The following PTPRD variants were observed in gnomAD, a reference collection of about 807,000 sequenced individuals.
PTPRD encodes receptor-type tyrosine-protein phosphatase delta.
Under a neutral mutation model 214.5 loss-of-function variants are expected in PTPRD, and 34 were observed. The ratio of observed to expected loss-of-function variants is 0.16; its 90% CI spans 0.12 to 0.21. The LOEUF (loss-of-function observed/expected upper bound fraction) is 0.21. Ranked by LOEUF, PTPRD falls within the 10% of genes least tolerant of loss-of-function variation. PTPRD has a pLI of 1.00. For synonymous variants in PTPRD, 1,128 were observed against 845.7 expected (o/e 1.33, Z -5.79); for missense variants, 2,545 against 2,398.7 (o/e 1.06, Z -1.27).
chr9:10,151,886 A>G (rs557036413), intron 3 of PTPRD, among the ~76,000 whole-genome samples: 16 of 152,322 alleles, frequency 1.1e-4, no homozygotes, highest in Admixed American at 8.5e-4. Context: ...TGTTGTGTGT[A>G]TCAATAATTT....
intron 11 of PTPRD, among the ~76,000 whole-genome samples, chr9:8,961,012 T>G (rs2099155817): frequency 6.6e-6 from 1 of 152,068 alleles, no homozygotes; most frequent in South Asian, 2.1e-4. Context: ...CATTGTCTAC[T>G]AGGGAGTCAA....
intron 3 of PTPRD, among the ~76,000 whole-genome samples, chr9:10,320,134 C>T (rs2096527900): frequency 6.6e-6 from 1 of 151,992 alleles, no homozygotes. Flanking sequence ...GAATAATTTA[C>T]ATCTCTATGC....
At chr9:10,355,582 G>A (rs2097262102) in intron 2 of PTPRD, among the ~76,000 whole-genome samples, 1 of 151,154 alleles carries the variant, frequency 6.6e-6, no homozygotes, top group African/African-American at 2.4e-5. Flanking sequence ...GGGTTCAAGC[G>A]ATTCTCCTTC....
At chr9:8,711,650 C>A (rs947799300) in intron 12 of PTPRD, among the ~76,000 whole-genome samples, 4 of 152,128 alleles carry the variant, frequency 2.6e-5, no homozygotes, top group African/African-American at 9.7e-5. Context: ...AATCTATTAG[C>A]CCAGACCCCA....
At chr9:9,881,496 A>C (rs1199815800) in intron 5 of PTPRD, among the ~76,000 whole-genome samples, 4 of 152,118 alleles carry the variant, frequency 2.6e-5, no homozygotes, top group Non-Finnish European at 5.9e-5. Context: ...CCGCATCTTC[A>C]TCTTTTATAA....
chr9:10,069,058 C>G (rs983130960), intron 3 of PTPRD, among the ~76,000 whole-genome samples: 2 of 151,922 alleles, frequency 1.3e-5, no homozygotes, highest in African/African-American at 4.8e-5. Context: ...TCCTATTCAG[C>G]CTTTTGGATC....
At chr9:8,782,554 A>G (rs142078822) in intron 11 of PTPRD, among the ~76,000 whole-genome samples, 3 of 149,198 alleles carry the variant, frequency 2.0e-5, no homozygotes, top group African/African-American at 7.4e-5. Context: ...CCCTCAACCT[A>G]TTTCAGTGCT....
chr9:9,030,943 C>A (rs1434455081), intron 10 of PTPRD, among the ~76,000 whole-genome samples: 4 of 151,860 alleles, frequency 2.6e-5, no homozygotes, highest in African/African-American at 9.7e-5. Context: ...GAGGATGATT[C>A]ATCTCTCAGT....
intron 3 of PTPRD, among the ~76,000 whole-genome samples, chr9:10,304,161 AAC>A (rs1287670906): frequency 6.6e-6 from 1 of 152,194 alleles, no homozygotes; most frequent in East Asian, 1.9e-4. Flanking sequence ...AATGACAAAA[AAC>A]ACATGATTAT....
At chr9:9,301,093 T>G (rs964101280) in intron 9 of PTPRD, among the ~76,000 whole-genome samples, 2 of 151,806 alleles carry the variant, frequency 1.3e-5, no homozygotes, top group African/African-American at 4.8e-5. Context: ...TTCATATAAT[T>G]TAAGATTCTT....
At chr9:10,188,580 T>C (rs953027007) in intron 3 of PTPRD, among the ~76,000 whole-genome samples, 2 of 152,122 alleles carry the variant, frequency 1.3e-5, no homozygotes, top group South Asian at 2.1e-4. Context: ...AGTATCTTTT[T>C]TTTTTTTACA....
In PTPRD at chr9:9,284,383, T is replaced by C. The variant is rs187475944; in HGVS notation, c.-202-101020A>G. 1.3e-3 allele frequency among the ~76,000 whole-genome samples: 190 copies of C among 151,834 alleles called. 3 individuals carry two copies. Among genetic ancestry groups the C allele is most frequent in the African/African-American group, 4.2e-3 (174 of 41,520 alleles). On this transcript the variant is annotated intron_variant, in intron 9 of 45. Coordinates refer to ENST00000381196, the MANE Select transcript of PTPRD (RefSeq NM_002839.4). ...CATGAATAGACTCCTGCCATGGTTG[T>C]AAGTTTTATTCTTCCTCTTGCTCTC...
At chr9:8,764,808 GATA>G (rs58828058) in intron 11 of PTPRD, among the ~76,000 whole-genome samples, 81,006 of 146,478 alleles carry the variant, frequency 0.55, 22,647 homozygotes, top group Middle Eastern at 0.7. Context: ...TAATAATAAT[GATA>G]ATAATAATAA....
At chr9:8,336,859 A>G (rs936944927) in intron 43 of PTPRD, among the ~76,000 whole-genome samples, 2 of 152,052 alleles carry the variant, frequency 1.3e-5, no homozygotes, top group Non-Finnish European at 2.9e-5. Flanking sequence ...AAATGCTATC[A>G]CTGGTCATTA....
At chr9:10,370,553 A>G (rs1020348984) in intron 2 of PTPRD, among the ~76,000 whole-genome samples, 1 of 152,068 alleles carries the variant, frequency 6.6e-6, no homozygotes, top group East Asian at 1.9e-4. Context: ...AATACATTGA[A>G]ATTGAATTAA....
intron 8 of PTPRD, among the ~76,000 whole-genome samples, chr9:9,539,838 A>G (rs2077229418): frequency 6.6e-6 from 1 of 151,832 alleles, no homozygotes; most frequent in Non-Finnish European, 1.5e-5. Context: ...TGAATATATA[A>G]AAGCAATAAA....
At chr9:9,594,356 G>T (rs552266869) in intron 7 of PTPRD, among the ~76,000 whole-genome samples, 3 of 151,928 alleles carry the variant, frequency 2.0e-5, no homozygotes, top group African/African-American at 7.3e-5. Context: ...CTAAGCCAAC[G>T]CTTAGAAGGG....
intron 11 of PTPRD, among the ~76,000 whole-genome samples, chr9:8,765,347 T>C (rs1211670251): frequency 2.6e-5 from 4 of 152,138 alleles, no homozygotes; most frequent in African/African-American, 9.7e-5. Flanking sequence ...ATAAGTTATA[T>C]AAAAACCATG....
chr9:9,229,497 G>A (rs918706906), intron 9 of PTPRD, among the ~76,000 whole-genome samples: 4 of 151,992 alleles, frequency 2.6e-5, no homozygotes, highest in Non-Finnish European at 4.4e-5. Context: ...CCACAAAAAA[G>A]CATCCAATTG....
Sources: allele counts gnomAD v4.1 joint callset (sites outside exome capture counted in the v4.1 genomes callset), GRCh38; gene constraint gnomAD v4.1.1; transcripts MANE v1.5; gene names NCBI Gene and HGNC (gene_info 2026-07-23, HGNC 2026-07-21).